The following OSBPL10 variants were observed in gnomAD, a reference collection of about 807,000 sequenced individuals.
OSBPL10 encodes the protein oxysterol-binding protein-related protein 10.
OSBPL10 carries 49 observed loss-of-function variants against 81.7 expected under a neutral mutation model. That is an observed-to-expected ratio of 0.60 (90% CI 0.48 to 0.76). OSBPL10 has a LOEUF of 0.76. Among genes scored for constraint, OSBPL10 ranks in the 30% least tolerant of loss-of-function variants. The pLI is 0.00. For synonymous variants in OSBPL10, 419 were observed against 383.6 expected, an observed-to-expected ratio of 1.09 and a Z score of -1.08; for missense variants, 923 against 987.8, an observed-to-expected ratio of 0.93 and a Z score of 0.88.
At chr3:31,720,111 A>G (rs1164932996) in intron 6 of OSBPL10, among the ~76,000 whole-genome samples, 1 of 151,102 alleles carries the variant, frequency 6.6e-6, no homozygotes, top group Non-Finnish European at 1.5e-5. Flanking sequence ...CAAATTTCCC[A>G]TAAAAGACAC....
At chr3:32,030,576 A>G (rs1699458509) in intron 2 of OSBPL10, 1 of 866,240 alleles carries the variant, frequency 1.2e-6, no homozygotes, top group Non-Finnish European at 2.0e-6. Context: ...CCTGGGTTCA[A>G]CTGAAGCGCC....
chr3:31,717,725 T>A (rs1282923455), intron 6 of OSBPL10, among the ~76,000 whole-genome samples: 1 of 152,226 alleles, frequency 6.6e-6, no homozygotes, highest in Non-Finnish European at 1.5e-5. Flanking sequence ...GTACTTTTAC[T>A]CAAATGTGAA....
At chr3:31,905,808 G>C (rs1169537909) in intron 1 of OSBPL10, among the ~76,000 whole-genome samples, 1 of 148,194 alleles carries the variant, frequency 6.7e-6, no homozygotes, top group Non-Finnish European at 1.5e-5. Flanking sequence ...AAAAATATAA[G>C]ACTTCTTAGC....
intron 2 of OSBPL10, chr3:32,030,113 C>T (rs1344522822): frequency 5.2e-6 from 1 of 192,078 alleles, no homozygotes; most frequent in Admixed American, 5.6e-5. Context: ...TTTATGATAT[C>T]TAAATTTTCT....
intron 1 of OSBPL10, among the ~76,000 whole-genome samples, chr3:31,907,993 A>G (rs1696461345): frequency 6.6e-6 from 1 of 152,170 alleles, no homozygotes. Flanking sequence ...TTCTAACTTC[A>G]CTGGGTCAGG....
rs200778938 is a variant in OSBPL10, at chr3:32,001,477, ACT to A, written n.298+45012_298+45013del. Among the ~76,000 whole-genome samples the A allele has an allele frequency of 8.0e-3, 1,218 of 152,058 alleles. 3 individuals carry two copies. The highest frequency in any genetic ancestry group is 0.013 in the Non-Finnish European group (880 of 67,974). On this transcript the variant is annotated intron_variant and non_coding_transcript_variant, in intron 2 of 3. Transcript: ENST00000479173. ...TAAAATTTCAAAAGGTAAAATCCTGACTCTCGTGCAAATGTGAAATGAACCCA... is the reference window on the plus strand; with the variant it reads ...TAAAATTTCAAAAGGTAAAATCCTGACTCGTGCAAATGTGAAATGAACCCA...
At chr3:31,837,949 TTCTC>T (rs1700401103) in intron 3 of OSBPL10, among the ~76,000 whole-genome samples, 1 of 152,184 alleles carries the variant, frequency 6.6e-6, no homozygotes, top group South Asian at 2.1e-4. Flanking sequence ...AAGATGTCAG[TTCTC>T]TCTAATTAGC....
In OSBPL10 at chr3:31,683,816, G is replaced by C. The variant is rs748409144; in HGVS notation, c.1544C>G (p.Pro515Arg). The change falls in exon 8 of 12, where the codon CCA becomes CGA. Residue 515 changes from proline to arginine, a missense_variant. Pro to Arg is a moderately radical substitution (Grantham distance 103). Transcript: ENST00000396556. ...SRSPASCHEH[P>R]MADDPSKSYK... is the part of the protein sequence containing the mutation. ...GCTTTTGGAAGGGTCATCGGCCATTGGGTGTTCGTGACAGCTGGCAGGAGA... is the reference window on the plus strand; with the variant it reads ...GCTTTTGGAAGGGTCATCGGCCATTCGGTGTTCGTGACAGCTGGCAGGAGA... The C allele has an allele frequency of 1.9e-5, 30 of 1,614,090 alleles. No homozygotes were observed. The highest frequency in any genetic ancestry group is 1.6e-4 in the Middle Eastern group (1 of 6,084).
At chr3:31,888,339 G>T (rs1000812205) in intron 1 of OSBPL10, among the ~76,000 whole-genome samples, 2 of 152,144 alleles carry the variant, frequency 1.3e-5, no homozygotes, top group South Asian at 2.1e-4. Context: ...AGACCTAAAT[G>T]TAAGACCTGA....
intron 4 of OSBPL10, among the ~76,000 whole-genome samples, chr3:31,780,019 G>A (rs1229782896): frequency 6.6e-6 from 1 of 152,214 alleles, no homozygotes; most frequent in Non-Finnish European, 1.5e-5. Flanking sequence ...TAGGCCAGGT[G>A]TGGTGGCTCA....
intron 8 of OSBPL10, among the ~76,000 whole-genome samples, chr3:31,674,372 G>A (rs774986284): frequency 2.0e-5 from 3 of 151,934 alleles, no homozygotes; most frequent in Non-Finnish European, 4.4e-5. Context: ...TGGGCAACAT[G>A]ACGAAGCCTC....
intron 5 of OSBPL10, among the ~76,000 whole-genome samples, chr3:31,743,440 G>C (rs1394763482): frequency 6.6e-6 from 1 of 152,158 alleles, no homozygotes; most frequent in East Asian, 1.9e-4. Context: ...TCAGAAACAG[G>C]TCTGGGAGCC....
chr3:31,722,218 C>T (rs995322913), intron 6 of OSBPL10, among the ~76,000 whole-genome samples: 1 of 152,120 alleles, frequency 6.6e-6, no homozygotes, highest in African/African-American at 2.4e-5. Flanking sequence ...TGATTTTGTA[C>T]CTTATGTCCA....
chr3:31,733,548 G>A (rs1697040583), intron 5 of OSBPL10, 137 bp from the exon 6 acceptor site: 2 of 958,952 alleles, frequency 2.1e-6, no homozygotes, highest in Non-Finnish European at 3.2e-6. Context: ...TGTTTTGAAT[G>A]AAGTACCAAG....
intron 2 of OSBPL10, among the ~76,000 whole-genome samples, chr3:32,020,946 T>C (rs1699358641): frequency 6.6e-6 from 1 of 152,204 alleles, no homozygotes; most frequent in Non-Finnish European, 1.5e-5. Context: ...AAGGTGTCAG[T>C]AGAGTTGGTT....
At chr3:31,953,832 A>G (rs1697936309) in intron 1 of OSBPL10, among the ~76,000 whole-genome samples, 1 of 152,208 alleles carries the variant, frequency 6.6e-6, no homozygotes, top group South Asian at 2.1e-4. Context: ...CTCTATGTGT[A>G]TGTGAGGAGT....
intron 1 of OSBPL10, among the ~76,000 whole-genome samples, chr3:31,918,114 A>C (rs1696809162): frequency 1.3e-5 from 2 of 152,314 alleles, no homozygotes; most frequent in East Asian, 3.9e-4. Context: ...ATAATTGAAA[A>C]AGAACAACTT....
At chr3:31,731,629 C>T (rs1292790749) in intron 6 of OSBPL10, among the ~76,000 whole-genome samples, 1 of 152,054 alleles carries the variant, frequency 6.6e-6, no homozygotes, top group African/African-American at 2.4e-5. Context: ...GCTGGGATTA[C>T]AGGCGTGTGC....
At chr3:31,691,018 T>C (rs949786789) in intron 7 of OSBPL10, among the ~76,000 whole-genome samples, 5 of 152,088 alleles carry the variant, frequency 3.3e-5, no homozygotes, top group African/African-American at 9.7e-5. Context: ...TGAGTACTAA[T>C]TGGGTTGTCT....
Sources: allele counts gnomAD v4.1 joint callset (sites outside exome capture counted in the v4.1 genomes callset), GRCh38; gene constraint gnomAD v4.1.1; transcripts MANE v1.5; gene names NCBI Gene and HGNC (gene_info 2026-07-23, HGNC 2026-07-21).